Variants in AGTR1 observed in about 807,000 individuals in gnomAD.
AGTR1 encodes type-1 angiotensin II receptor.
A neutral mutation model predicts 19.4 loss-of-function variants in AGTR1; 16 were observed. The ratio of observed to expected loss-of-function variants is 0.82; its 90% CI spans 0.56 to 1.25. The LOEUF is 1.25. Among genes scored for constraint, AGTR1 ranks in the 50% most tolerant of loss-of-function variants. AGTR1 has a pLI of 0.00. For missense variants in AGTR1, 373 were observed against 431.9 expected, an observed-to-expected ratio of 0.86 and a Z score of 1.21; for synonymous variants, 153 against 154.9, an observed-to-expected ratio of 0.99 and a Z score of 0.09.
chr3:148,739,820 T>C, intron 2 of AGTR1: 1 of 1,231,742 alleles, frequency 8.1e-7, no homozygotes, highest in Non-Finnish European at 1.0e-6. Flanking sequence ...TGCAAGAGAA[T>C]GCTCAGCCAT....
chr3:148,726,182 T>G (rs1713920484), intron 2 of AGTR1, among the ~76,000 whole-genome samples: 1 of 151,654 alleles, frequency 6.6e-6, no homozygotes, highest in South Asian at 2.1e-4. Context: ...TCTAAGTTTC[T>G]TTTTTCCCTT....
In AGTR1 at chr3:148,730,235, G is replaced by A. The variant is rs939727079; in HGVS notation, c.-47-10754G>A. On this transcript the variant is annotated intron_variant, in intron 2 of 2. Coordinates refer to ENST00000349243, the MANE Select transcript of AGTR1 (RefSeq NM_000685.5). ...AGTCCAAAGGCTCCACAGCTCAGAG[G>A]AGGTAAATCATGTGCTTAATTCAGA... The A allele has an allele frequency of 5.3e-5, 21 of 398,360 alleles. No homozygotes were observed. Among genetic ancestry groups the A allele is most frequent in the African/African-American group, 3.1e-4 (15 of 48,614 alleles). The allele number at this position is 398,360 out of a possible 1,614,324, so 24.7% of individuals were successfully genotyped here. A position where few individuals can be genotyped will look rare whatever the true frequency, so the allele number is the denominator to read the frequency against.
intron 1 of AGTR1, among the ~76,000 whole-genome samples, chr3:148,700,131 T>A (rs1712252007): frequency 6.6e-6 from 1 of 152,202 alleles, no homozygotes; most frequent in South Asian, 2.1e-4. Context: ...TTCTTTTTCT[T>A]CTTTCTAGTT....
At chr3:148,729,315 C>A (rs964948951) in intron 2 of AGTR1, among the ~76,000 whole-genome samples, 1 of 152,136 alleles carries the variant, frequency 6.6e-6, no homozygotes, top group South Asian at 2.1e-4. Context: ...GAGTAATGTG[C>A]CACTTCCCTA....
intron 2 of AGTR1, chr3:148,731,419 A>G (rs924185628): frequency 2.0e-5 from 3 of 152,234 alleles, no homozygotes; most frequent in Non-Finnish European, 2.9e-5. Context: ...GTGCCTTGTT[A>G]TAATTCTTCA....
At chr3:148,730,247 G>A (rs545348919) in intron 2 of AGTR1, 1 of 398,476 alleles carries the variant, frequency 2.5e-6, no homozygotes, top group East Asian at 3.6e-5. Flanking sequence ...GGTAAATCAT[G>A]TGCTTAATTC....
intron 2 of AGTR1, among the ~76,000 whole-genome samples, chr3:148,725,166 T>C (rs1036481342): frequency 1.3e-5 from 2 of 152,182 alleles, no homozygotes; most frequent in Non-Finnish European, 2.9e-5. Flanking sequence ...GGCAACAAAA[T>C]TTTTCTCTGA....
intron 2 of AGTR1, among the ~76,000 whole-genome samples, chr3:148,739,371 A>C (rs1434228962): frequency 6.6e-5 from 10 of 152,088 alleles, no homozygotes; most frequent in Non-Finnish European, 1.0e-4. Flanking sequence ...AAAAAAAAAA[A>C]AAAAGTGTCA....
chr3:148,721,430 C>T (rs1713628281), intron 2 of AGTR1, among the ~76,000 whole-genome samples: 1 of 152,204 alleles, frequency 6.6e-6, no homozygotes, highest in South Asian at 2.1e-4. Flanking sequence ...GAGACTTCTG[C>T]TTCCAGCCAA....
intron 2 of AGTR1, chr3:148,740,073 TTATGTAGAA>T: frequency 1.0e-6 from 1 of 992,512 alleles, no homozygotes; most frequent in Non-Finnish European, 1.3e-6. Context: ...TGACTGTTGA[TTATGTAGAA>T]AATCAGAGCA....
Position 148,712,886 on chromosome 3 carries a change from G to A in AGTR1, c.-48+4859G>A, listed in dbSNP as rs150492022. 5.1e-4 allele frequency among the ~76,000 whole-genome samples: 77 copies of A among 152,192 alleles called. No homozygotes were observed. The East Asian group carries it at 0.011, about 22-fold the overall frequency. On this transcript the variant is annotated intron_variant, in intron 2 of 2. Coordinates refer to ENST00000349243, the MANE Select transcript of AGTR1 (RefSeq NM_000685.5). ...ATACATGACTAAACAAAGAAGGAGC[G>A]CTGGAAATGATCCTGTGAAAAATAC...
intron 2 of AGTR1, among the ~76,000 whole-genome samples, chr3:148,729,131 T>G (rs1277153573): frequency 1.3e-5 from 2 of 152,190 alleles, no homozygotes; most frequent in Non-Finnish European, 2.9e-5. Context: ...AGTTGACAGT[T>G]TCTGACTTGA....
At chr3:148,714,347 G>T (rs1713167085) in intron 2 of AGTR1, among the ~76,000 whole-genome samples, 1 of 152,108 alleles carries the variant, frequency 6.6e-6, no homozygotes, top group Non-Finnish European at 1.5e-5. Context: ...AGTGTTTAGG[G>T]AAGGTCTTCT....
At chr3:148,705,325 A>G (rs1044057456) in intron 1 of AGTR1, among the ~76,000 whole-genome samples, 11 of 152,182 alleles carry the variant, frequency 7.2e-5, no homozygotes, top group African/African-American at 1.9e-4. Flanking sequence ...CACACTTACA[A>G]TTTCATCAAC....
intron 2 of AGTR1, among the ~76,000 whole-genome samples, chr3:148,735,964 A>G (rs747701873): frequency 6.6e-6 from 1 of 152,194 alleles, no homozygotes; most frequent in Non-Finnish European, 1.5e-5. Context: ...ATTCCAAAAT[A>G]TAATTACTTG....
At chr3:148,731,548 TAGAACAA>T (rs1252995829) in intron 2 of AGTR1, 2 of 152,230 alleles carry the variant, frequency 1.3e-5, no homozygotes, top group East Asian at 3.8e-4. Flanking sequence ...CCTTGTATTA[TAGAACAA>T]TTATATTTTT....
intron 2 of AGTR1, among the ~76,000 whole-genome samples, chr3:148,727,559 G>A (rs1714028033): frequency 6.6e-6 from 1 of 152,130 alleles, no homozygotes; most frequent in Non-Finnish European, 1.5e-5. Context: ...ATGAATCTGA[G>A]CTCAAATTCC....
intron 2 of AGTR1, among the ~76,000 whole-genome samples, chr3:148,713,072 A>G (rs952849525): frequency 6.6e-6 from 1 of 152,106 alleles, no homozygotes; most frequent in Admixed American, 6.6e-5. Context: ...TGAAGGAAAA[A>G]TCTACACTAT....
chr3:148,700,181 G>A (rs1327148520), intron 1 of AGTR1, among the ~76,000 whole-genome samples: 2 of 151,878 alleles, frequency 1.3e-5, no homozygotes, highest in African/African-American at 4.8e-5. Flanking sequence ...ATATAATTTT[G>A]TTTTGGTTTT....
Sources: allele counts gnomAD v4.1 joint callset (sites outside exome capture counted in the v4.1 genomes callset), GRCh38; gene constraint gnomAD v4.1.1; transcripts MANE v1.5; gene names NCBI Gene and HGNC (gene_info 2026-07-23, HGNC 2026-07-21).